Variants in SAMD4A observed in about 807,000 individuals in gnomAD.
SAMD4A encodes the protein sterile alpha motif domain containing 4A.
Under a neutral mutation model 81.3 loss-of-function variants are expected in SAMD4A, and 33 were observed. That is an observed-to-expected ratio of 0.41 (90% confidence interval 0.31 to 0.54). The LOEUF (loss-of-function observed/expected upper bound fraction) is 0.54, where lower values mean the gene tolerates loss of function less well. Among genes scored for constraint, SAMD4A ranks in the 20% least tolerant of loss-of-function variants. The pLI, the probability that SAMD4A is intolerant of heterozygous loss-of-function variation, is 0.37. For synonymous variants in SAMD4A, 389 were observed against 382.1 expected (o/e 1.02, Z -0.21); for missense variants, 854 against 951.1 (o/e 0.90, Z 1.34).
chr14:54,716,144 T>A (rs2037112048), intron 3 of SAMD4A, among the ~76,000 whole-genome samples: 1 of 152,212 alleles, frequency 6.6e-6, no homozygotes, highest in African/African-American at 2.4e-5. Context: ...CTTATTCAAG[T>A]ACCAATAAGT....
At position 54,735,841 on chromosome 14, in the gene SAMD4A, T is replaced by C. The variant is rs566220456; in HGVS notation, c.716-1183T>C. On this transcript the variant is annotated intron_variant, in intron 3 of 12. Transcript: ENST00000554335. ...CCATTGAGATGCCTGGTCTGCTTAC[T>C]GAAAAACACAGATTAACACCCACAA... is the stretch of plus-strand genomic sequence containing the variant. Among the ~76,000 whole-genome samples, 3 of 152,360 alleles carry C rather than the reference T, an allele frequency of 2.0e-5. No homozygotes were observed. The East Asian group carries it at 5.8e-4, about 29-fold the overall frequency.
intron 6 of SAMD4A, among the ~76,000 whole-genome samples, chr14:54,756,978 C>A (rs1292953063): frequency 1.3e-5 from 2 of 152,174 alleles, no homozygotes; most frequent in South Asian, 2.1e-4. Flanking sequence ...CTTCACTGTG[C>A]CTCTTTGTGT....
At chr14:54,783,088 T>C (rs1312409508) in intron 11 of SAMD4A, among the ~76,000 whole-genome samples, 1 of 151,364 alleles carries the variant, frequency 6.6e-6, no homozygotes, top group Non-Finnish European at 1.5e-5. Flanking sequence ...GGACACCCCC[T>C]CTGGGACTTT....
At chr14:54,588,411 C>A (rs1425835604) in intron 2 of SAMD4A, among the ~76,000 whole-genome samples, 1 of 151,502 alleles carries the variant, frequency 6.6e-6, no homozygotes, top group African/African-American at 2.4e-5. Context: ...TTTGTTATTT[C>A]TTTTTTTCTG....
intron 3 of SAMD4A, among the ~76,000 whole-genome samples, chr14:54,714,400 T>G (rs1040701377): frequency 1.3e-5 from 2 of 152,178 alleles, no homozygotes; most frequent in African/African-American, 2.4e-5. Context: ...GCAGTTAACT[T>G]TATAACTTGT....
chr14:54,580,987 T>A (rs34400858), intron 2 of SAMD4A, among the ~76,000 whole-genome samples: 3,054 of 152,334 alleles, frequency 0.02, 44 homozygotes, highest in Non-Finnish European at 0.033. Flanking sequence ...CTCACGCTGT[T>A]ACCAAGATAC....
chr14:54,618,086 C>T (rs2034532269), intron 2 of SAMD4A, among the ~76,000 whole-genome samples: 1 of 152,146 alleles, frequency 6.6e-6, no homozygotes, highest in Non-Finnish European at 1.5e-5. Context: ...TGGTGACAAA[C>T]TTTGTAAGAA....
intron 4 of SAMD4A, among the ~76,000 whole-genome samples, chr14:54,741,726 C>T (rs2037848298): frequency 6.6e-6 from 1 of 152,146 alleles, no homozygotes; most frequent in South Asian, 2.1e-4. Flanking sequence ...AAGGAAAGTT[C>T]CTAGAGGAGG....
chr14:54,576,001 CTTTTT>C lies in SAMD4A; in HGVS notation c.196+7922_196+7926del, dbSNP rs57819180. On this transcript the variant is annotated intron_variant, in intron 2 of 12. Coordinates refer to ENST00000554335, the MANE Select transcript of SAMD4A (RefSeq NM_015589.6). Reference sequence around the variant, plus strand: ...CCAGGAAAGATTTCTTTCTTTCTTTCTTTTTTTTTTTTTTTTTTTTTTTTTTTTTT... The same window carrying C: ...CCAGGAAAGATTTCTTTCTTTCTTTCTTTTTTTTTTTTTTTTTTTTTTTTT... Among the ~76,000 whole-genome samples the C allele has an allele frequency of 5.2e-3, 412 of 79,954 alleles. 7 individuals carry two copies. Among genetic ancestry groups the C allele is most frequent in the African/African-American group, 0.02 (378 of 18,990 alleles). The allele number at this position is 79,954 out of a possible 152,430, so 52.5% of individuals were successfully genotyped here.
At chr14:54,771,357 C>G (rs1163650183) in intron 9 of SAMD4A, among the ~76,000 whole-genome samples, 1 of 152,212 alleles carries the variant, frequency 6.6e-6, no homozygotes, top group Non-Finnish European at 1.5e-5. Context: ...CATTTACAGA[C>G]AAGTTCATAG....
At chr14:54,723,519 C>G (rs780226823) in intron 3 of SAMD4A, among the ~76,000 whole-genome samples, 19 of 152,164 alleles carry the variant, frequency 1.2e-4, no homozygotes, top group Non-Finnish European at 2.8e-4. Context: ...TGGTGCATTA[C>G]CACCTCCTCA....
At chr14:54,660,860 A>G (rs765863678) in intron 2 of SAMD4A, among the ~76,000 whole-genome samples, 6 of 152,258 alleles carry the variant, frequency 3.9e-5, no homozygotes, top group Admixed American at 6.5e-5. Flanking sequence ...CCTGTCAGCC[A>G]CAGAATTGTT....
intron 3 of SAMD4A, among the ~76,000 whole-genome samples, chr14:54,721,597 T>C (rs896672095): frequency 6.6e-6 from 1 of 152,158 alleles, no homozygotes; most frequent in African/African-American, 2.4e-5. Flanking sequence ...ATAGTTAAAA[T>C]GAGGGCTGCA....
intron 2 of SAMD4A, among the ~76,000 whole-genome samples, chr14:54,619,228 A>G (rs2034559058): frequency 6.6e-6 from 1 of 152,220 alleles, no homozygotes; most frequent in South Asian, 2.1e-4. Flanking sequence ...TTCTTAATTC[A>G]GATATGGTTG....
chr14:54,708,983 A>T (rs17656964), intron 3 of SAMD4A, among the ~76,000 whole-genome samples: 10,750 of 152,250 alleles, frequency 0.071, 435 homozygotes, highest in Non-Finnish European at 0.084. Flanking sequence ...GAAGGCATTA[A>T]AAATAGGTGA....
intron 3 of SAMD4A, among the ~76,000 whole-genome samples, chr14:54,722,131 G>A (rs1308527581): frequency 6.6e-6 from 1 of 152,218 alleles, no homozygotes; most frequent in Admixed American, 6.5e-5. Flanking sequence ...TTTGGCTGAA[G>A]AAGATGTTGC....
chr14:54,664,125 G>T (rs1329664582), intron 2 of SAMD4A, among the ~76,000 whole-genome samples: 1 of 152,150 alleles, frequency 6.6e-6, no homozygotes, highest in African/African-American at 2.4e-5. Context: ...TGAGGAGAAA[G>T]TCAAAAATCT....
intron 2 of SAMD4A, chr14:54,694,110 G>C (rs535584451): frequency 8.5e-5 from 13 of 152,598 alleles, no homozygotes; most frequent in African/African-American, 3.1e-4. Flanking sequence ...GTGGAGGCTA[G>C]ATCATAGAGG....
chr14:54,578,378 G>C (rs1490879758), intron 2 of SAMD4A, among the ~76,000 whole-genome samples: 3 of 152,006 alleles, frequency 2.0e-5, no homozygotes, highest in African/African-American at 7.3e-5. Context: ...GAGACAAGAT[G>C]AGTAAATGAA....
Sources: allele counts gnomAD v4.1 joint callset (sites outside exome capture counted in the v4.1 genomes callset), GRCh38; gene constraint gnomAD v4.1.1; transcripts MANE v1.5; gene names NCBI Gene and HGNC (gene_info 2026-07-23, HGNC 2026-07-21).